SYN3: variants seen among roughly 807,000 people sequenced by gnomAD.
SYN3 encodes synapsin III.
In SYN3, 35 loss-of-function variants were observed where a neutral mutation model predicts 65.8. The observed-to-expected ratio is 0.53, with a 90% CI of 0.41 to 0.70. The LOEUF is 0.70. SYN3 is among the 30% of genes least tolerant of loss of function. The pLI is 0.00. For missense variants in SYN3, 680 were observed against 749.0 expected (o/e 0.91, Z 1.08); for synonymous variants, 270 against 292.9 (o/e 0.92, Z 0.80).
chr22:32,991,553 C>G (rs919320538), intron 2 of SYN3, among the ~76,000 whole-genome samples: 1 of 152,136 alleles, frequency 6.6e-6, no homozygotes, highest in East Asian at 1.9e-4. Flanking sequence ...CCTGTCATCT[C>G]TCTGCAGCCG....
intron 1 of SYN3, chr22:33,015,121 T>G (rs543890988): frequency 1.1e-5 from 2 of 176,268 alleles, no homozygotes; most frequent in East Asian, 3.6e-4. Context: ...CTGGGGAGGC[T>G]GAGGCAGGAG....
At chr22:32,904,486 G>A (rs137534) in intron 4 of SYN3, among the ~76,000 whole-genome samples, 121,852 of 151,572 alleles carry the variant, frequency 0.8, 49,495 homozygotes, top group African/African-American at 0.88. Context: ...TCTTGATTGA[G>A]TGAGACCTAG....
intron 1 of SYN3, among the ~76,000 whole-genome samples, chr22:33,033,804 A>C (rs568099901): frequency 6.6e-6 from 1 of 152,264 alleles, no homozygotes; most frequent in African/African-American, 2.4e-5. Flanking sequence ...AGACGAGGGA[A>C]CAGACTTGTC....
intron 10 of SYN3, 191 bp from the exon 11 acceptor site, chr22:32,529,199 A>C: frequency 1.6e-6 from 1 of 615,114 alleles, no homozygotes; most frequent in Non-Finnish European, 2.8e-6. Flanking sequence ...AGTCTAAACC[A>C]CTCCCTGGAG....
At chr22:32,877,064 T>A (rs1475258634) in intron 4 of SYN3, among the ~76,000 whole-genome samples, 1 of 152,244 alleles carries the variant, frequency 6.6e-6, no homozygotes, top group Admixed American at 6.5e-5. Flanking sequence ...TCCATTGCTA[T>A]GCCTGATGGA....
chr22:32,899,114 A>AACAAAACAAAACAAC (rs1165881437), intron 4 of SYN3, among the ~76,000 whole-genome samples: 2 of 151,860 alleles, frequency 1.3e-5, no homozygotes, highest in African/African-American at 4.8e-5. Context: ...AACAAAACAA[A>AACAAAACAAAACAAC]ACAAAACAAC....
intron 6 of SYN3, among the ~76,000 whole-genome samples, chr22:32,660,765 C>T (rs1380335312): frequency 1.3e-5 from 2 of 152,298 alleles, no homozygotes; most frequent in South Asian, 2.1e-4. Flanking sequence ...ATGGTGCCTA[C>T]GCAGAGTCTG....
intron 6 of SYN3, 177 bp downstream of exon 6, chr22:32,864,738 G>C: frequency 1.7e-6 from 1 of 581,848 alleles, no homozygotes; most frequent in Admixed American, 2.6e-5. Flanking sequence ...CACCTGGAGA[G>C]ACGACTTCCC....
intron 6 of SYN3, among the ~76,000 whole-genome samples, chr22:32,600,273 T>C (rs752953434): frequency 2.8e-4 from 42 of 152,190 alleles, no homozygotes; most frequent in Admixed American, 5.2e-4. Context: ...ATTCCTCGAA[T>C]GCGCAATTCA....
chr22:32,698,526 G>GT lies in SYN3; in HGVS notation c.712-101791dup, dbSNP rs200750623. Among the ~76,000 whole-genome samples the GT allele has an allele frequency of 1.7e-3, 264 of 151,840 alleles. 1 individual carries two copies. The highest frequency in any genetic ancestry group is 5.9e-3 in the African/African-American group (246 of 41,414). ...TCCAAACCCAAAAATGTGGCAAAGT[G>GT]TTTTTTTTGCTGTTGTTGTTGTTTG... On this transcript the variant is annotated intron_variant, in intron 6 of 13. Transcript: ENST00000358763.
intron 6 of SYN3, among the ~76,000 whole-genome samples, chr22:32,707,452 G>T (rs996089142): frequency 6.6e-6 from 1 of 152,162 alleles, no homozygotes; most frequent in African/African-American, 2.4e-5. Context: ...TCTTTGCTTG[G>T]ATACTCAGGG....
chr22:33,046,619 G>GA (rs1354904341), intron 1 of SYN3, among the ~76,000 whole-genome samples: 1 of 151,950 alleles, frequency 6.6e-6, no homozygotes, highest in Non-Finnish European at 1.5e-5. Flanking sequence ...GAGGCAGGTG[G>GA]ATCACGAGGT....
intron 6 of SYN3, among the ~76,000 whole-genome samples, chr22:32,702,669 T>A (rs958181819): frequency 2.0e-5 from 3 of 152,170 alleles, no homozygotes; most frequent in African/African-American, 7.2e-5. Flanking sequence ...TCAAATGAAG[T>A]ACTTAATTAA....
At position 32,879,814 on chromosome 22, in the gene SYN3, G is replaced by T. The variant is rs944352249; in HGVS notation, c.462-10689C>A. On this transcript the variant is annotated intron_variant, in intron 4 of 13. Coordinates refer to ENST00000358763, the MANE Select transcript of SYN3 (RefSeq NM_003490.4). ...AATGGCTTCTCTTCTCAGAGTCCTGGTCCATATAAAGTCAACAACCCTTTT... is the reference window on the plus strand; with the variant it reads ...AATGGCTTCTCTTCTCAGAGTCCTGTTCCATATAAAGTCAACAACCCTTTT... Among the ~76,000 whole-genome samples, 85 of 152,156 alleles carry T rather than the reference G, an allele frequency of 5.6e-4. 1 individual carries two copies. Among genetic ancestry groups the T allele is most frequent in the African/African-American group, 2.0e-3 (82 of 41,408 alleles).
At chr22:32,907,143 A>C (rs192120705) in intron 4 of SYN3, among the ~76,000 whole-genome samples, 243 of 152,316 alleles carry the variant, frequency 1.6e-3, no homozygotes, top group Admixed American at 2.4e-3. Context: ...AGATATATTT[A>C]TATCTATTGT....
chr22:33,047,946 T>G (rs776707068), intron 1 of SYN3, among the ~76,000 whole-genome samples: 5 of 152,010 alleles, frequency 3.3e-5, no homozygotes, highest in Non-Finnish European at 5.9e-5. Flanking sequence ...TCTGGCATTT[T>G]GAACTCAGGT....
intron 4 of SYN3, among the ~76,000 whole-genome samples, chr22:32,898,570 T>G (rs1217958333): frequency 6.6e-6 from 1 of 152,208 alleles, no homozygotes; most frequent in Non-Finnish European, 1.5e-5. Flanking sequence ...TAGGTGCTCC[T>G]AAATATTCAT....
intron 4 of SYN3, among the ~76,000 whole-genome samples, chr22:32,871,714 C>A (rs2048854264): frequency 6.6e-6 from 1 of 152,048 alleles, no homozygotes; most frequent in Non-Finnish European, 1.5e-5. Context: ...CTCAAGCGAT[C>A]CTCCCACATC....
intron 6 of SYN3, among the ~76,000 whole-genome samples, chr22:32,658,757 G>A (rs961811344): frequency 3.3e-5 from 5 of 152,290 alleles, no homozygotes; most frequent in Middle Eastern, 3.4e-3. Context: ...AAAAAGGGAC[G>A]TTGAGCTGGA....
Sources: gnomAD v4.1 joint callset for allele counts (sites outside exome capture counted in the v4.1 genomes callset) on GRCh38, gnomAD v4.1.1 for gene constraint, MANE v1.5 for transcripts, NCBI Gene and HGNC (gene_info 2026-07-23, HGNC 2026-07-21) for gene names.